Variants in GRIN2A observed in about 807,000 individuals in gnomAD.
GRIN2A encodes the protein glutamate ionotropic receptor NMDA type subunit 2A.
GRIN2A carries 22 observed loss-of-function variants against 113.4 expected under a neutral mutation model. The observed-to-expected ratio is 0.19, with a 90% CI of 0.14 to 0.28. The LOEUF is 0.28. GRIN2A is among the 10% of genes least tolerant of loss of function. The pLI is 1.00. For missense variants in GRIN2A, 1,502 were observed against 1,887.0 expected (o/e 0.80, Z 3.78); for synonymous variants, 827 against 738.4 (o/e 1.12, Z -1.94).
At position 10,140,546 on chromosome 16, in the gene GRIN2A, G is replaced by T. The variant is rs558717359; in HGVS notation, c.414+39452C>A. Among the ~76,000 whole-genome samples the T allele has an allele frequency of 7.9e-5, 12 of 152,210 alleles. No individual in the cohort carries two copies. The South Asian group carries it at 2.5e-3, about 32-fold the overall frequency. The stretch of plus-strand genomic sequence containing the variant: ...AGAATGAGATCTTTGGTTTTCTCTA[G>T]TCCAGAAAACACTCTTTCTTCTGGC... On this transcript the variant is annotated intron_variant, in intron 2 of 12. Coordinates refer to ENST00000330684, the MANE Select transcript of GRIN2A (RefSeq NM_001134407.3).
At position 9,875,530 on chromosome 16, in the gene GRIN2A, T is replaced by G. The variant is rs2043346992; in HGVS notation, c.1122+15456A>C. Among the ~76,000 whole-genome samples the G allele has an allele frequency of 2.0e-5, 3 of 152,206 alleles. No individual in the cohort carries two copies. The South Asian group carries it at 6.2e-4, about 32-fold the overall frequency. ...TGCTGGGGGGAGCAGCTCTCTGTTCTGTCCATTTTCTTAGGGACAGATGTT... is the reference window on the plus strand; with the variant it reads ...TGCTGGGGGGAGCAGCTCTCTGTTCGGTCCATTTTCTTAGGGACAGATGTT... On this transcript the variant is annotated intron_variant, in intron 4 of 12. Coordinates refer to ENST00000330684, the MANE Select transcript of GRIN2A (RefSeq NM_001134407.3).
chr16:9,832,254 T>C (rs1174935763), intron 8 of GRIN2A, among the ~76,000 whole-genome samples: 1 of 152,058 alleles, frequency 6.6e-6, no homozygotes, highest in Non-Finnish European at 1.5e-5. Flanking sequence ...CTGCACCCCC[T>C]CAGCCTTTTT....
chr16:9,766,663 G>C (rs1338476852), intron 12 of GRIN2A, among the ~76,000 whole-genome samples: 1 of 152,174 alleles, frequency 6.6e-6, no homozygotes, highest in Non-Finnish European at 1.5e-5. Context: ...TGTGGATGTG[G>C]AAATCTTACA....
chr16:9,860,537 A>AT (rs2043049711), intron 4 of GRIN2A, among the ~76,000 whole-genome samples: 1 of 151,888 alleles, frequency 6.6e-6, no homozygotes, highest in African/African-American at 2.4e-5. Flanking sequence ...GGCAAGTGAC[A>AT]TATGTAAGGG....
intron 4 of GRIN2A, among the ~76,000 whole-genome samples, chr16:9,857,329 G>T (rs1173923482): frequency 1.3e-5 from 2 of 152,180 alleles, no homozygotes; most frequent in Non-Finnish European, 2.9e-5. Context: ...GACTCATTAT[G>T]ACAAATATAC....
chr16:9,922,374 G>A (rs2044373856), intron 3 of GRIN2A, among the ~76,000 whole-genome samples: 1 of 151,990 alleles, frequency 6.6e-6, no homozygotes, highest in Non-Finnish European at 1.5e-5. Flanking sequence ...ACCATATGCA[G>A]GAGCAAGCTA....
chr16:10,007,614 G>A (rs1440864602), intron 2 of GRIN2A, among the ~76,000 whole-genome samples: 2 of 152,082 alleles, frequency 1.3e-5, no homozygotes, highest in Admixed American at 6.6e-5. Flanking sequence ...TTGCTGTGCA[G>A]AAGTTTTTTA....
At chr16:10,076,500 G>A (rs2047875540) in intron 2 of GRIN2A, among the ~76,000 whole-genome samples, 5 of 152,284 alleles carry the variant, frequency 3.3e-5, no homozygotes, top group Middle Eastern at 6.8e-3. Flanking sequence ...ACACATGTCC[G>A]TGGCCCTCCC....
intron 11 of GRIN2A, among the ~76,000 whole-genome samples, chr16:9,785,294 AT>A (rs1008191038): frequency 7.3e-4 from 111 of 152,218 alleles, no homozygotes; most frequent in Non-Finnish European, 4.4e-4. Flanking sequence ...TTGTAGGGAC[AT>A]GGATGAAGCT....
chr16:9,785,705 T>C (rs920487477), intron 11 of GRIN2A, among the ~76,000 whole-genome samples: 8 of 151,952 alleles, frequency 5.3e-5, no homozygotes, highest in Non-Finnish European at 1.0e-4. Context: ...GAACACTAGA[T>C]AAAAAGTATA....
chr16:9,787,764 T>C (rs1902318171), intron 11 of GRIN2A, among the ~76,000 whole-genome samples: 2 of 152,314 alleles, frequency 1.3e-5, no homozygotes, highest in Admixed American at 1.3e-4. Flanking sequence ...TGTGGAGAAA[T>C]GGAAAACTGT....
At chr16:10,017,246 T>C (rs779222059) in intron 2 of GRIN2A, among the ~76,000 whole-genome samples, 2 of 152,154 alleles carry the variant, frequency 1.3e-5, no homozygotes, top group Non-Finnish European at 2.9e-5. Context: ...AAGAAACAGA[T>C]AATCATTACA....
chr16:10,105,841 G>A (rs1406420700), intron 2 of GRIN2A, among the ~76,000 whole-genome samples: 2 of 152,140 alleles, frequency 1.3e-5, no homozygotes, highest in Non-Finnish European at 2.9e-5. Flanking sequence ...CAGGAGGTGG[G>A]GGTTGCAGAC....
At chr16:9,789,553 TACACAC>T (rs71157785) in intron 11 of GRIN2A, among the ~76,000 whole-genome samples, 18,501 of 149,446 alleles carry the variant, frequency 0.12, 1,465 homozygotes, top group Middle Eastern at 0.24. Flanking sequence ...GAAACATACA[TACACAC>T]ACACACACAC....
In GRIN2A at chr16:9,776,278, ATTTTTTT is replaced by A. The variant is rs34371083; in HGVS notation, c.2357-7196_2357-7190del. Among the ~76,000 whole-genome samples, 118 of 129,626 alleles carry A rather than the reference ATTTTTTT, an allele frequency of 9.1e-4. 1 individual carries two copies. Among genetic ancestry groups the A allele is most frequent in the Non-Finnish European group, 1.6e-3 (100 of 61,752 alleles). The allele number at this position is 129,626 out of a possible 152,430, so 85.0% of individuals were successfully genotyped here. A position where few individuals can be genotyped will look rare whatever the true frequency, so the allele number is the denominator to read the frequency against. On this transcript the variant is annotated intron_variant, in intron 11 of 12. Transcript: ENST00000330684. Reference sequence around the variant, plus strand: ...GGTTTCCTCTACCATAACATCCTGGATTTTTTTTTTTTTTTTTTGTATAGAATTTGTC... The same window carrying A: ...GGTTTCCTCTACCATAACATCCTGGATTTTTTTTTTTGTATAGAATTTGTC...
At chr16:9,970,666 T>A (rs780586902) in intron 2 of GRIN2A, 16 of 400,154 alleles carry the variant, frequency 4.0e-5, no homozygotes, top group Non-Finnish European at 5.4e-5. Context: ...AAGAAATATG[T>A]ATTAAGGATC....
chr16:9,883,116 C>G (rs2043517492), intron 4 of GRIN2A, among the ~76,000 whole-genome samples: 1 of 152,158 alleles, frequency 6.6e-6, no homozygotes, highest in Non-Finnish European at 1.5e-5. Context: ...ACCAGAACTT[C>G]CATCTCTGAA....
Position 9,755,473 on chromosome 16 carries a change from G to T in GRIN2A, c.*7676C>A, listed in dbSNP as rs571317101. The T allele has an allele frequency of 5.5e-6, 1 of 182,828 alleles. No individual in the cohort carries two copies. The highest frequency in any genetic ancestry group is 8.8e-5 in the East Asian group (1 of 11,302). The allele number at this position is 182,828 out of a possible 1,614,324, so 11.3% of individuals were successfully genotyped here. ...CAGCTTGAAAGATGAAAACAGCTGA[G>T]AAATTTTTCTCATAGACTAGCACTT... is the stretch of plus-strand genomic sequence containing the variant. On this transcript the variant is annotated 3_prime_UTR_variant, in exon 13 of 13. Coordinates refer to ENST00000330684, the MANE Select transcript of GRIN2A (RefSeq NM_001134407.3).
intron 2 of GRIN2A, among the ~76,000 whole-genome samples, chr16:10,113,101 C>A (rs901915520): frequency 7.1e-6 from 1 of 140,796 alleles, no homozygotes; most frequent in Non-Finnish European, 1.6e-5. Context: ...TGCCTGGGGG[C>A]GCCCCCCAGC....
Sources: allele counts gnomAD v4.1 joint callset (sites outside exome capture counted in the v4.1 genomes callset), GRCh38; gene constraint gnomAD v4.1.1; transcripts MANE v1.5; gene names NCBI Gene and HGNC (gene_info 2026-07-23, HGNC 2026-07-21).